BNIP3L: variants seen among roughly 807,000 people sequenced by gnomAD.
The protein encoded by BNIP3L is BCL2/adenovirus E1B 19 kDa protein-interacting protein 3-like.
A neutral mutation model predicts 25.5 loss-of-function variants in BNIP3L; 10 were observed. That is an observed-to-expected ratio of 0.39 (90% CI 0.24 to 0.67). The LOEUF is 0.67. Among genes scored for constraint, BNIP3L ranks in the 30% least tolerant of loss-of-function variants. The pLI is 0.45. For synonymous variants in BNIP3L, 113 were observed against 101.2 expected (o/e 1.12, Z -0.70); for missense variants, 215 against 270.9 (o/e 0.79, Z 1.45).
Position 26,408,387 on chromosome 8 carries a change from G to T in BNIP3L, c.611+11G>T. 6.2e-7 allele frequency: 1 copy of T among 1,602,736 alleles called. No homozygotes were observed. Among genetic ancestry groups the T allele is most frequent in the Non-Finnish European group, 8.5e-7 (1 of 1,174,876 alleles). ...GGCTTTGGGGCTAGGGTAAGTACCG[G>T]TCAACTCCTGAAGTTTTTTCCATTC... On this transcript the variant is annotated intron_variant, in intron 5 of 5. Coordinates refer to ENST00000380629, the MANE Select transcript of BNIP3L (RefSeq NM_004331.3).
intron 1 of BNIP3L, chr8:26,390,612 T>C (rs78146534): frequency 1.1e-6 from 1 of 939,984 alleles, no homozygotes; most frequent in Non-Finnish European, 1.3e-6. Flanking sequence ...AAAGCTTTTT[T>C]CTGAATTTTT....
chr8:26,391,084 C>A (rs1009504269), intron 1 of BNIP3L, among the ~76,000 whole-genome samples, 159 bp from the exon 2 acceptor site: 4 of 152,110 alleles, frequency 2.6e-5, no homozygotes, highest in African/African-American at 7.2e-5. Flanking sequence ...CTATATAGAT[C>A]TTTAGACTTT....
intron 2 of BNIP3L, among the ~76,000 whole-genome samples, chr8:26,393,734 T>C (rs1005470294): frequency 2.0e-5 from 3 of 152,138 alleles, no homozygotes; most frequent in East Asian, 1.9e-4. Flanking sequence ...CCAACAGTTA[T>C]GAGCACAAAG....
At chr8:26,405,411 T>C (rs1308381398) in intron 3 of BNIP3L, among the ~76,000 whole-genome samples, 9 of 152,318 alleles carry the variant, frequency 5.9e-5, no homozygotes, top group East Asian at 1.9e-4. Context: ...CAATAGCCAA[T>C]GGAAGGAGCT....
chr8:26,410,728 T>G lies in BNIP3L; in HGVS notation c.*316T>G. 1 of 355,340 alleles carries G rather than the reference T, an allele frequency of 2.8e-6. No homozygotes were observed. Among genetic ancestry groups the G allele is most frequent in the East Asian group, 6.2e-5 (1 of 16,258 alleles). 22.0% of individuals were successfully genotyped at this position (355,340 alleles called of 1,614,324 possible). On this transcript the variant is annotated 3_prime_UTR_variant, in exon 6 of 6. Transcript: ENST00000380629. ...ATTTTGTCAGCAATGCTATTATCTC[T>G]AATTAGTGCCACCAGACTAGACCTG...
chr8:26,386,495 T>TA (rs1228979584), intron 1 of BNIP3L, among the ~76,000 whole-genome samples: 2 of 152,108 alleles, frequency 1.3e-5, no homozygotes, highest in East Asian at 3.9e-4. Flanking sequence ...AGTGCAGTGG[T>TA]ACAGTCATAG....
intron 3 of BNIP3L, among the ~76,000 whole-genome samples, chr8:26,399,105 A>G (rs1806312533): frequency 6.8e-6 from 1 of 146,116 alleles, no homozygotes; most frequent in South Asian, 2.2e-4. Flanking sequence ...CCGGGCAGAG[A>G]CACAACCAAA....
chr8:26,393,680 C>T (rs1021403789), intron 2 of BNIP3L, among the ~76,000 whole-genome samples: 2 of 151,982 alleles, frequency 1.3e-5, no homozygotes, highest in African/African-American at 2.4e-5. Context: ...GACCTGGTCA[C>T]GGCTATGTAA....
chr8:26,405,443 G>A (rs955967287), intron 3 of BNIP3L, among the ~76,000 whole-genome samples: 1 of 152,158 alleles, frequency 6.6e-6, no homozygotes, highest in Non-Finnish European at 1.5e-5. Context: ...GCTACATTGT[G>A]TCATTCAGTG....
intron 3 of BNIP3L, among the ~76,000 whole-genome samples, chr8:26,405,360 A>G (rs1448432169): frequency 6.6e-6 from 1 of 152,232 alleles, no homozygotes; most frequent in African/African-American, 2.4e-5. Context: ...GGATGATTTC[A>G]GTGTTACTCC....
chr8:26,410,385 G>A lies in BNIP3L; in HGVS notation c.633G>A (p.Leu211=). The A allele has an allele frequency of 6.2e-7, 1 of 1,614,098 alleles. No homozygotes were observed. The highest frequency in any genetic ancestry group is 8.5e-7 in the Non-Finnish European group (1 of 1,180,014). The change falls in exon 6 of 6, where the codon CTG becomes CTA. Residue 211 remains leucine, a synonymous_variant. Coordinates refer to ENST00000380629, the MANE Select transcript of BNIP3L (RefSeq NM_004331.3). ...TCAGCATCTATATTGGAAAGCGACT[G>A]AGCACACCCTCTGCCAGCACCTACT... ...LGLGIYIGKR[L]STPSASTY is the part of the protein sequence containing the mutation.
intron 1 of BNIP3L, chr8:26,383,625 G>C (rs954930979): frequency 5.1e-6 from 2 of 388,448 alleles, no homozygotes; most frequent in South Asian, 2.0e-4. Flanking sequence ...CGTGCGGCGG[G>C]GACGCCGGGG....
In BNIP3L at chr8:26,408,065, A is replaced by G. The variant is rs150078014; in HGVS notation, c.423A>G (p.Val141=). The change falls in exon 4 of 6, where the codon GTA becomes GTG. Residue 141 remains valine, a synonymous_variant. Transcript: ENST00000380629. ...VEALKKSADW[V]SDWSSRPENI... ...CTTTGAAGAAAAGTGCGGACTGGGT[A>G]TCAGACTGGTCCAGTAGACCCGAAA... 1.8e-4 allele frequency: 296 copies of G among 1,614,120 alleles called. No individual in the cohort carries two copies. Among genetic ancestry groups the G allele is most frequent in the Non-Finnish European group, 2.2e-4 (264 of 1,180,052 alleles).
intron 1 of BNIP3L, among the ~76,000 whole-genome samples, chr8:26,387,579 A>G (rs1806018450): frequency 6.6e-6 from 1 of 152,206 alleles, no homozygotes; most frequent in African/African-American, 2.4e-5. Context: ...ATCAGGAACA[A>G]ATCGGGTGAT....
At chr8:26,405,226 G>C (rs1326806426) in intron 3 of BNIP3L, among the ~76,000 whole-genome samples, 1 of 152,198 alleles carries the variant, frequency 6.6e-6, no homozygotes, top group Non-Finnish European at 1.5e-5. Flanking sequence ...TTTAAAGAAA[G>C]ATCTGTGAGG....
intron 2 of BNIP3L, among the ~76,000 whole-genome samples, chr8:26,393,737 G>C (rs1192257758): frequency 2.0e-5 from 3 of 152,106 alleles, no homozygotes; most frequent in African/African-American, 7.2e-5. Flanking sequence ...ACAGTTATGA[G>C]CACAAAGATA....
chr8:26,389,207 G>T (rs1806055065), intron 1 of BNIP3L, among the ~76,000 whole-genome samples: 1 of 151,920 alleles, frequency 6.6e-6, no homozygotes, highest in Non-Finnish European at 1.5e-5. Flanking sequence ...TATACAAGAA[G>T]AACTGGTCCC....
At chr8:26,406,839 C>G (rs999892324) in intron 3 of BNIP3L, among the ~76,000 whole-genome samples, 1 of 151,642 alleles carries the variant, frequency 6.6e-6, no homozygotes, top group Non-Finnish European at 1.5e-5. Context: ...ATGCATGTAA[C>G]ATGCTTGGAA....
chr8:26,398,948 C>T (rs1035995211), intron 3 of BNIP3L, among the ~76,000 whole-genome samples: 1 of 151,102 alleles, frequency 6.6e-6, no homozygotes, highest in Non-Finnish European at 1.5e-5. Context: ...CAAGAAGAGT[C>T]CAGGACCAGA....
Sources: gnomAD v4.1 joint callset for allele counts (sites outside exome capture counted in the v4.1 genomes callset) on GRCh38, gnomAD v4.1.1 for gene constraint, MANE v1.5 for transcripts, NCBI Gene and HGNC (gene_info 2026-07-23, HGNC 2026-07-21) for gene names.